Variants in GABRG2 observed in about 807,000 individuals in gnomAD.
The protein encoded by GABRG2 is gamma-aminobutyric acid type A receptor subunit gamma2.
A neutral mutation model predicts 56.4 loss-of-function variants in GABRG2; 16 were observed. That is an observed-to-expected ratio of 0.28 (90% CI 0.19 to 0.43). GABRG2 has a LOEUF of 0.43. Among genes scored for constraint, GABRG2 ranks in the 20% least tolerant of loss-of-function variants. The pLI is 1.00. For missense variants in GABRG2, 327 were observed against 582.7 expected, an observed-to-expected ratio of 0.56 and a Z score of 4.52; for synonymous variants, 208 against 205.5, an observed-to-expected ratio of 1.01 and a Z score of -0.10.
chr5:162,091,463 T>C (rs887170144), intron 1 of GABRG2, among the ~76,000 whole-genome samples: 2 of 152,114 alleles, frequency 1.3e-5, no homozygotes, highest in African/African-American at 4.8e-5. Context: ...TTAAGCCTAT[T>C]ATAAGATGAA....
chr5:162,080,512 A>G (rs1759563920), intron 1 of GABRG2, among the ~76,000 whole-genome samples: 1 of 152,148 alleles, frequency 6.6e-6, no homozygotes, highest in South Asian at 2.1e-4. Flanking sequence ...TTGAGAATGA[A>G]AAAGTCTAGG....
chr5:162,097,972 A>G, intron 4 of GABRG2, 114 bp downstream of exon 4: 2 of 910,776 alleles, frequency 2.2e-6, no homozygotes, highest in East Asian at 5.2e-5. Context: ...TCAAGACTGC[A>G]TCAGGGTTGG....
At chr5:162,140,857 A>G (rs1418418770) in intron 6 of GABRG2, among the ~76,000 whole-genome samples, 1 of 152,224 alleles carries the variant, frequency 6.6e-6, no homozygotes, top group Non-Finnish European at 1.5e-5. Flanking sequence ...GGATGATTCA[A>G]AATGAATGAC....
intron 1 of GABRG2, among the ~76,000 whole-genome samples, chr5:162,072,648 C>T (rs532028467): frequency 4.7e-4 from 71 of 152,058 alleles, no homozygotes; most frequent in African/African-American, 1.1e-3. Context: ...CAATTTTATG[C>T]GCTGCTTGTG....
At chr5:162,143,619 G>T (rs759705456) in intron 7 of GABRG2, among the ~76,000 whole-genome samples, 6 of 152,144 alleles carry the variant, frequency 3.9e-5, no homozygotes, top group Non-Finnish European at 8.8e-5. Flanking sequence ...AGTCAGTAGG[G>T]TGTAATAGCT....
intron 6 of GABRG2, among the ~76,000 whole-genome samples, chr5:162,130,433 A>G (rs1291353564): frequency 6.6e-6 from 1 of 152,014 alleles, no homozygotes. Context: ...GTATTCTGAT[A>G]ACATTAGGTT....
Position 162,151,734 on chromosome 5 carries a change from T to G in GABRG2, c.1133T>G (p.Leu378Arg). The change falls in exon 9 of 10, where the codon CTT becomes CGT. Residue 378 changes from leucine (L) to arginine (R), a missense_variant. By Grantham distance (102) the Leu-to-Arg change is moderately radical (BLOSUM62 -2). Transcript: ENST00000639213. ...TTTCTGTCTACAAACCCAAAGCTTC[T>G]TCGGATGTTTTCCTTCAAGGTATAA... is the stretch of plus-strand genomic sequence containing the variant. The part of the protein sequence containing the change: ...DKDKKKKNPL[L>R]RMFSFKAPTI... 1 of 1,611,676 alleles carries G rather than the reference T, an allele frequency of 6.2e-7. No individual in the cohort carries two copies. Among genetic ancestry groups the G allele is most frequent in the Non-Finnish European group, 8.5e-7 (1 of 1,178,706 alleles).
chr5:162,149,690 T>G, intron 8 of GABRG2: 1 of 527,518 alleles, frequency 1.9e-6, no homozygotes, highest in Non-Finnish European at 3.7e-6. Flanking sequence ...CTCGGCTTAC[T>G]GCAACCTCTG....
chr5:162,088,586 A>C (rs1002464881), intron 1 of GABRG2, among the ~76,000 whole-genome samples: 4 of 152,032 alleles, frequency 2.6e-5, no homozygotes, highest in Non-Finnish European at 4.4e-5. Context: ...CTTTTATTGG[A>C]CTCAGGCATA....
intron 6 of GABRG2, among the ~76,000 whole-genome samples, chr5:162,106,785 C>A (rs189674274): frequency 3.8e-4 from 58 of 152,168 alleles, no homozygotes; most frequent in Non-Finnish European, 5.9e-5. Context: ...ACTTCTGATT[C>A]CTAATTTTTT....
intron 6 of GABRG2, among the ~76,000 whole-genome samples, chr5:162,124,746 C>T (rs983399278): frequency 2.0e-5 from 3 of 151,618 alleles, no homozygotes; most frequent in East Asian, 3.9e-4. Context: ...TTTCTTAATG[C>T]GCCGCATGAC....
intron 6 of GABRG2, among the ~76,000 whole-genome samples, chr5:162,109,590 C>A (rs1166695360): frequency 2.0e-5 from 3 of 151,362 alleles, no homozygotes; most frequent in Non-Finnish European, 4.4e-5. Flanking sequence ...GGACTATTAA[C>A]CTGGTGGCTG....
In GABRG2 at chr5:162,142,162, A is replaced by G; in HGVS notation, c.770-2A>G. ...TATGGTGTTATCTTTGGTCTGTTCC[A>G]GGAGATTATGTGGTCATGTCTGTCT... On this transcript the variant is annotated splice_acceptor_variant, in intron 6 of 9. Transcript: ENST00000639213. LOFTEE classifies it high-confidence loss of function. 1 of 1,614,008 alleles carries G rather than the reference A, an allele frequency of 6.2e-7. No individual in the cohort carries two copies.
At position 162,154,904 on chromosome 5, in the gene GABRG2, A is replaced by G. The variant is rs1765610586; in HGVS notation, c.*1536A>G. 2 of 152,150 alleles carry G rather than the reference A, an allele frequency of 1.3e-5. No individual in the cohort carries two copies. The highest frequency in any genetic ancestry group is 4.8e-5 in the African/African-American group (2 of 41,460). 9.4% of individuals were successfully genotyped at this position (152,150 alleles called of 1,614,324 possible). A position where few individuals can be genotyped will look rare whatever the true frequency, so the allele number is the denominator to read the frequency against. ...TCATTAGATTACATTGTAGTTAAAC[A>G]AAGCAATTTCTCCAGACTTAAAACA... On this transcript the variant is annotated 3_prime_UTR_variant, in exon 10 of 10. Coordinates refer to ENST00000639213, the MANE Select transcript of GABRG2 (RefSeq NM_198904.4).
chr5:162,078,430 G>A lies in GABRG2; in HGVS notation c.107+10324G>A, dbSNP rs1270018470. Among the ~76,000 whole-genome samples, 9 of 44,322 alleles carry A rather than the reference G, an allele frequency of 2.0e-4. 1 individual carries two copies. Among genetic ancestry groups the A allele is most frequent in the South Asian group, 1.4e-3 (2 of 1,388 alleles). 29.1% of individuals were successfully genotyped at this position (44,322 alleles called of 152,430 possible). ...TTTTTTTTTTTTTTTTTTTTGAGAC[G>A]GAGTCTTGCTCTATCGCCTGGGCTG... On this transcript the variant is annotated intron_variant, in intron 1 of 9. Transcript: ENST00000639213.
chr5:162,121,886 T>C (rs979514673), intron 6 of GABRG2, among the ~76,000 whole-genome samples: 2 of 152,028 alleles, frequency 1.3e-5, no homozygotes, highest in African/African-American at 4.8e-5. Context: ...TATCATTTAA[T>C]GTAATTGAAG....
chr5:162,074,484 A>T (rs1021208973), intron 1 of GABRG2, among the ~76,000 whole-genome samples: 1 of 152,076 alleles, frequency 6.6e-6, no homozygotes, highest in Admixed American at 6.6e-5. Context: ...TAGTAAGACA[A>T]ATATACAGTG....
chr5:162,084,273 T>TA (rs3216598), intron 1 of GABRG2, among the ~76,000 whole-genome samples: 15,833 of 151,826 alleles, frequency 0.1, 1,136 homozygotes, highest in East Asian at 0.26. Flanking sequence ...ATTGTCTGTG[T>TA]ACTAGAGCAG....
At chr5:162,150,257 A>G (rs969602442) in intron 8 of GABRG2, 1 of 152,246 alleles carries the variant, frequency 6.6e-6, no homozygotes, top group African/African-American at 2.4e-5. Context: ...GGCAAAACAA[A>G]AAATCCCAAA....
Sources: allele counts gnomAD v4.1 joint callset (sites outside exome capture counted in the v4.1 genomes callset), GRCh38; gene constraint gnomAD v4.1.1; transcripts MANE v1.5; gene names NCBI Gene and HGNC (gene_info 2026-07-23, HGNC 2026-07-21).